CALN1: variants seen among roughly 807,000 people sequenced by gnomAD.
CALN1 encodes the protein calcium-binding protein 8.
A neutral mutation model predicts 30.6 loss-of-function variants in CALN1; 17 were observed. The ratio of observed to expected loss-of-function variants is 0.56; its 90% CI spans 0.38 to 0.83. The LOEUF (loss-of-function observed/expected upper bound fraction) is 0.83, where lower values mean the gene tolerates loss of function less well. Among genes scored for constraint, CALN1 ranks in the 40% least tolerant of loss-of-function variants. CALN1 has a pLI of 0.00. For synonymous variants in CALN1, 156 were observed against 131.4 expected, an observed-to-expected ratio of 1.19 and a Z score of -1.28; for missense variants, 291 against 354.9, an observed-to-expected ratio of 0.82 and a Z score of 1.45.
intron 2 of CALN1, among the ~76,000 whole-genome samples, chr7:72,396,112 G>C (rs975037971): frequency 6.6e-6 from 1 of 151,336 alleles, no homozygotes; most frequent in Non-Finnish European, 1.5e-5. Flanking sequence ...TAAGAAGGAA[G>C]TCAGGCCGGG....
intron 1 of CALN1, among the ~76,000 whole-genome samples, chr7:72,437,567 CT>C (rs1396909627): frequency 2.1e-5 from 3 of 146,036 alleles, no homozygotes; most frequent in Non-Finnish European, 4.6e-5. Flanking sequence ...GCAAATTTAT[CT>C]TTTTAGGTCT....
chr7:72,406,921 C>G (rs1028986465), intron 1 of CALN1, among the ~76,000 whole-genome samples: 4 of 152,078 alleles, frequency 2.6e-5, no homozygotes, highest in Non-Finnish European at 5.9e-5. Context: ...AGCCCCTTGT[C>G]AGCTTTTCAT....
intron 2 of CALN1, among the ~76,000 whole-genome samples, chr7:72,373,802 A>G (rs1166886048): frequency 6.6e-6 from 1 of 152,230 alleles, no homozygotes; most frequent in Non-Finnish European, 1.5e-5. Context: ...AAGTCCCAAG[A>G]AACTCACATG....
At chr7:72,260,604 G>A (rs760008699) in intron 3 of CALN1, among the ~76,000 whole-genome samples, 1 of 152,062 alleles carries the variant, frequency 6.6e-6, no homozygotes, top group Non-Finnish European at 1.5e-5. Context: ...ACCTCTGAAG[G>A]GATCTTAAAG....
chr7:72,436,311 G>T (rs1395985970), intron 1 of CALN1, among the ~76,000 whole-genome samples: 1 of 152,170 alleles, frequency 6.6e-6, no homozygotes, highest in Admixed American at 6.5e-5. Flanking sequence ...TAAGTTTCAC[G>T]AGGTCAGATG....
chr7:71,928,777 A>T (rs1795400280), intron 5 of CALN1, among the ~76,000 whole-genome samples: 2 of 152,114 alleles, frequency 1.3e-5, no homozygotes, highest in Non-Finnish European at 2.9e-5. Context: ...CATGCCTATA[A>T]TATCACCATT....
rs1190799242 is a variant in CALN1 at position 72,338,527 on chromosome 7, G to GTGTGTGTGTGTGTC, written c.120-59718_120-59717insGACACACACACACA. Among the ~76,000 whole-genome samples the GTGTGTGTGTGTGTC allele has an allele frequency of 1.0e-3, 145 of 144,570 alleles. 6 individuals carry two copies. Among genetic ancestry groups the GTGTGTGTGTGTGTC allele is most frequent in the African/African-American group, 3.6e-3 (134 of 36,996 alleles). 94.8% of individuals were successfully genotyped at this position (144,570 alleles called of 152,430 possible). A position where few individuals can be genotyped will look rare whatever the true frequency, so the allele number is the denominator to read the frequency against. On this transcript the variant is annotated intron_variant, in intron 2 of 6. Transcript: ENST00000395275. The stretch of plus-strand genomic sequence containing the variant: ...TGTGTGTGTGTGTGTGTGTGTGTGT[G>GTGTGTGTGTGTGTC]TCTCACCTGGGTGTGGTTTCAGAGT...
At chr7:72,137,281 A>G (rs1809578128) in intron 3 of CALN1, among the ~76,000 whole-genome samples, 1 of 152,154 alleles carries the variant, frequency 6.6e-6, no homozygotes, top group Non-Finnish European at 1.5e-5. Context: ...CATTAGGCTG[A>G]TGTTTTGGGG....
chr7:72,168,582 T>C (rs1788698889), intron 3 of CALN1, among the ~76,000 whole-genome samples: 1 of 152,174 alleles, frequency 6.6e-6, no homozygotes, highest in South Asian at 2.1e-4. Context: ...TCTCTTCCAA[T>C]ATATTTTCAC....
chr7:71,817,958 A>AT (rs1417566083), intron 5 of CALN1, among the ~76,000 whole-genome samples: 4 of 151,954 alleles, frequency 2.6e-5, no homozygotes, highest in Non-Finnish European at 5.9e-5. Flanking sequence ...TCCATAAATT[A>AT]TTCTTATAGT....
intron 3 of CALN1, among the ~76,000 whole-genome samples, chr7:72,131,318 T>G (rs1168122785): frequency 6.6e-6 from 1 of 152,190 alleles, no homozygotes; most frequent in Non-Finnish European, 1.5e-5. Flanking sequence ...TGGTGATGAT[T>G]CTGTTTAGTG....
At chr7:72,306,648 AAAG>A (rs1799675316) in intron 2 of CALN1, among the ~76,000 whole-genome samples, 1 of 152,024 alleles carries the variant, frequency 6.6e-6, no homozygotes, top group South Asian at 2.1e-4. Flanking sequence ...AAAAAAAAGA[AAAG>A]AAAAATAAAA....
Position 72,268,307 on chromosome 7 carries a change from G to C in CALN1, c.244+10379C>G, listed in dbSNP as rs142717297. Among the ~76,000 whole-genome samples the C allele has an allele frequency of 2.6e-5, 4 of 152,100 alleles. No individual in the cohort carries two copies. The South Asian group carries it at 8.3e-4, about 32-fold the overall frequency. Reference sequence around the variant, plus strand: ...CAAGGCAGCAGGGGATCGTGTGGAGGGTAAGCAGGGAGTTGAAGCAGACAA... The same window carrying C: ...CAAGGCAGCAGGGGATCGTGTGGAGCGTAAGCAGGGAGTTGAAGCAGACAA... On this transcript the variant is annotated intron_variant, in intron 3 of 6. Coordinates refer to ENST00000395275, the MANE Select transcript of CALN1 (RefSeq NM_031468.4).
chr7:71,968,077 T>C (rs1584634228), intron 5 of CALN1, among the ~76,000 whole-genome samples: 1 of 152,180 alleles, frequency 6.6e-6, no homozygotes, highest in African/African-American at 2.4e-5. Context: ...CACAAATGCC[T>C]GTACATGAAT....
chr7:72,288,577 A>C (rs1045063374), intron 2 of CALN1, among the ~76,000 whole-genome samples: 4 of 152,260 alleles, frequency 2.6e-5, no homozygotes, highest in Non-Finnish European at 5.9e-5. Context: ...GACAATTTAC[A>C]GATCCACCAT....
At chr7:72,282,251 T>C (rs1797776977) in intron 2 of CALN1, among the ~76,000 whole-genome samples, 1 of 152,226 alleles carries the variant, frequency 6.6e-6, no homozygotes, top group Admixed American at 6.5e-5. Context: ...AACTTGAAGA[T>C]GGATCCTTCT....
At chr7:72,088,019 T>C (rs1300560671) in intron 4 of CALN1, among the ~76,000 whole-genome samples, 1 of 151,884 alleles carries the variant, frequency 6.6e-6, no homozygotes, top group East Asian at 1.9e-4. Context: ...ATTGAAAAAA[T>C]TTGCCAGGTG....
intron 5 of CALN1, among the ~76,000 whole-genome samples, chr7:72,016,248 C>CAA (rs1216381592): frequency 0.074 from 5,411 of 73,182 alleles, 268 homozygotes; most frequent in African/African-American, 0.11. Flanking sequence ...GACTCCATCT[C>CAA]AAAAAAAAAA....
In CALN1 at chr7:72,154,381, C is replaced by T. The variant is rs10279358; in HGVS notation, c.245-48087G>A. Among the ~76,000 whole-genome samples, 781 of 152,218 alleles carry T rather than the reference C, an allele frequency of 5.1e-3. 6 individuals carry two copies. The highest frequency in any genetic ancestry group is 0.017 in the African/African-American group (723 of 41,546). ...GACTGGCCCAGAAGAATTCATTTGC[C>T]GTCAGTGAAAGACTGGCCAAAGATG... On this transcript the variant is annotated intron_variant, in intron 3 of 6. Transcript: ENST00000395275.
Sources: allele counts gnomAD v4.1 joint callset (sites outside exome capture counted in the v4.1 genomes callset), GRCh38; gene constraint gnomAD v4.1.1; transcripts MANE v1.5; gene names NCBI Gene and HGNC (gene_info 2026-07-23, HGNC 2026-07-21).